Variants in CTDSPL2 observed in about 807,000 individuals in gnomAD.
CTDSPL2 encodes CTD small phosphatase like 2.
A neutral mutation model predicts 60.0 loss-of-function variants in CTDSPL2; 5 were observed. The ratio of observed to expected loss-of-function variants is 0.08; its 90% CI spans 0.04 to 0.18. The LOEUF is 0.18. CTDSPL2 is among the 10% of genes least tolerant of loss of function. The probability of loss-of-function intolerance (pLI) is 1.00; values close to 1 mark genes in which losing one functional copy is unlikely to be tolerated. For missense variants in CTDSPL2, 370 were observed against 548.8 expected (o/e 0.67, Z 3.26); for synonymous variants, 186 against 189.3 (o/e 0.98, Z 0.14).
intron 7 of CTDSPL2, among the ~76,000 whole-genome samples, chr15:44,497,998 G>C (rs976820875): frequency 1.3e-5 from 2 of 149,448 alleles, no homozygotes; most frequent in African/African-American, 2.5e-5. Flanking sequence ...TTCTGTCTCA[G>C]AAAAAAAAAT....
At chr15:44,501,466 C>T (rs1249793074) in intron 8 of CTDSPL2, among the ~76,000 whole-genome samples, 9 of 152,054 alleles carry the variant, frequency 5.9e-5, no homozygotes, top group Non-Finnish European at 1.3e-4. Context: ...CTGCTTCTAC[C>T]ATTTCTGCTT....
intron 11 of CTDSPL2, chr15:44,521,076 T>G (rs3752690): frequency 0.017 from 4,034 of 236,728 alleles, 141 homozygotes; most frequent in East Asian, 0.1. Context: ...CTTTCTTGTT[T>G]AGTTTTATAT....
chr15:44,485,647 T>TG (rs1410265137), intron 3 of CTDSPL2, among the ~76,000 whole-genome samples: 7 of 152,176 alleles, frequency 4.6e-5, no homozygotes, highest in Non-Finnish European at 1.0e-4. Context: ...CAGTTCCTAA[T>TG]AGGCTGCGGA....
At chr15:44,461,471 C>G (rs985898171) in intron 2 of CTDSPL2, among the ~76,000 whole-genome samples, 4 of 151,950 alleles carry the variant, frequency 2.6e-5, no homozygotes, top group African/African-American at 9.7e-5. Flanking sequence ...TCACTGCAGC[C>G]TTGAACTCCT....
intron 8 of CTDSPL2, among the ~76,000 whole-genome samples, chr15:44,506,769 C>T (rs544261699): frequency 8.6e-5 from 13 of 150,564 alleles, no homozygotes; most frequent in South Asian, 2.1e-4. Context: ...TAAGGTTTTG[C>T]AGGAACTTTT....
Position 44,524,103 on chromosome 15 carries a change from A to G in CTDSPL2, c.1336-6A>G. On this transcript the variant is annotated splice_region_variant and splice_polypyrimidine_tract_variant and intron_variant, in intron 12 of 12. Transcript: ENST00000260327. ...CCTTTTTAAAAATTGTCTTTTTTCC[A>G]CGCAGAATGAAGATGTTCGACCACA... The G allele has an allele frequency of 6.2e-7, 1 of 1,613,296 alleles. No homozygotes were observed. Among genetic ancestry groups the G allele is most frequent in the Non-Finnish European group, 8.5e-7 (1 of 1,179,454 alleles).
chr15:44,493,580 GC>G (rs2081251031), intron 5 of CTDSPL2, among the ~76,000 whole-genome samples: 2 of 152,140 alleles, frequency 1.3e-5, no homozygotes, highest in Admixed American at 1.3e-4. Flanking sequence ...GATCACTTGA[GC>G]TTAGGAGTTT....
chr15:44,462,700 C>CTTTTTTTT, intron 2 of CTDSPL2, among the ~76,000 whole-genome samples: 1 of 83,738 alleles, frequency 1.2e-5, no homozygotes, highest in Non-Finnish European at 2.2e-5. Context: ...ACACTCAGGA[C>CTTTTTTTT]TTTTTTTTTT....
chr15:44,491,056 T>A, intron 5 of CTDSPL2, 57 bp downstream of exon 5: 1 of 1,330,778 alleles, frequency 7.5e-7, no homozygotes. Context: ...AAAATAACAG[T>A]ATTTCATATT....
intron 1 of CTDSPL2, among the ~76,000 whole-genome samples, chr15:44,432,769 G>A (rs1249112466): frequency 4.0e-5 from 6 of 151,078 alleles, no homozygotes; most frequent in Non-Finnish European, 5.9e-5. Context: ...ACAGGTGCCC[G>A]CTATCACGCC....
intron 1 of CTDSPL2, among the ~76,000 whole-genome samples, chr15:44,451,425 A>G (rs1213086119): frequency 6.6e-6 from 1 of 152,088 alleles, no homozygotes; most frequent in Non-Finnish European, 1.5e-5. Context: ...TTCTAAAATG[A>G]TGTGTATTTT....
At chr15:44,479,580 A>G (rs1298726757) in intron 2 of CTDSPL2, among the ~76,000 whole-genome samples, 1 of 151,106 alleles carries the variant, frequency 6.6e-6, no homozygotes, top group African/African-American at 2.4e-5. Flanking sequence ...GCTAATTTTT[A>G]AATTTTTGTG....
intron 2 of CTDSPL2, among the ~76,000 whole-genome samples, chr15:44,475,238 T>G (rs1276530806): frequency 1.3e-5 from 2 of 152,128 alleles, no homozygotes; most frequent in East Asian, 1.9e-4. Context: ...AGGGCATGCT[T>G]CTTTTACTGA....
intron 2 of CTDSPL2, among the ~76,000 whole-genome samples, chr15:44,473,400 A>C (rs1201423954): frequency 1.3e-5 from 2 of 151,990 alleles, no homozygotes; most frequent in Non-Finnish European, 1.5e-5. Flanking sequence ...GGTTCACGCC[A>C]TTCTCCTGCC....
intron 2 of CTDSPL2, among the ~76,000 whole-genome samples, chr15:44,463,932 A>G (rs569090102): frequency 3.9e-5 from 6 of 152,346 alleles, no homozygotes; most frequent in Admixed American, 6.5e-5. Context: ...TGCAGTGTCA[A>G]TAGTAACAAT....
At chr15:44,430,001 G>A (rs994253925) in intron 1 of CTDSPL2, among the ~76,000 whole-genome samples, 5 of 152,214 alleles carry the variant, frequency 3.3e-5, no homozygotes, top group Non-Finnish European at 4.4e-5. Flanking sequence ...TCTACATAGT[G>A]TCTCTTGTGC....
At position 44,525,492 on chromosome 15, in the gene CTDSPL2, A is replaced by G. The variant is rs2081858006; in HGVS notation, c.*1318A>G. The G allele has an allele frequency of 2.5e-6, 1 of 398,910 alleles. No individual in the cohort carries two copies. Among genetic ancestry groups the G allele is most frequent in the Non-Finnish European group, 4.4e-6 (1 of 225,958 alleles). The allele number at this position is 398,910 out of a possible 1,614,324, so 24.7% of individuals were successfully genotyped here. On this transcript the variant is annotated 3_prime_UTR_variant, in exon 13 of 13. Coordinates refer to ENST00000260327, the MANE Select transcript of CTDSPL2 (RefSeq NM_016396.3). The stretch of plus-strand genomic sequence containing the variant: ...TGCTTTGCCTCTCAACTGCATTAAC[A>G]TGCCACAGGCTCAGACTGTTTTTGT...
At chr15:44,432,632 T>G (rs1288943151) in intron 1 of CTDSPL2, among the ~76,000 whole-genome samples, 1 of 150,310 alleles carries the variant, frequency 6.7e-6, no homozygotes, top group African/African-American at 2.5e-5. Context: ...TTATTATTAT[T>G]TTTTTGAAAC....
chr15:44,483,208 A>T (rs2081060200), intron 2 of CTDSPL2, among the ~76,000 whole-genome samples: 1 of 150,184 alleles, frequency 6.7e-6, no homozygotes, highest in Non-Finnish European at 1.5e-5. Flanking sequence ...GGTTGCTGTG[A>T]GGCATGATCG....
Sources: gnomAD v4.1 joint callset for allele counts (sites outside exome capture counted in the v4.1 genomes callset) on GRCh38, gnomAD v4.1.1 for gene constraint, MANE v1.5 for transcripts, NCBI Gene and HGNC (gene_info 2026-07-23, HGNC 2026-07-21) for gene names.